Variants in TRIM66 observed in about 807,000 individuals in gnomAD.
The protein encoded by TRIM66 is tripartite motif-containing protein 66.
TRIM66 carries 99 observed loss-of-function variants against 148.2 expected under a neutral mutation model. The observed-to-expected ratio is 0.67, with a 90% CI of 0.57 to 0.79. The LOEUF is 0.79. TRIM66 is among the 30% of genes least tolerant of loss of function. The pLI, the probability that TRIM66 is intolerant of heterozygous loss-of-function variation, is 0.00. For missense variants in TRIM66, 1,666 were observed against 1,697.9 expected (o/e 0.98, Z 0.33); for synonymous variants, 616 against 635.9 (o/e 0.97, Z 0.47).
rs1342651182 is a variant in TRIM66, at chr11:8,648,487, G to C, written c.654C>G (p.Leu218=). The change falls in exon 9 of 25, where the codon CTC becomes CTG. Residue 218 remains leucine (L), a synonymous_variant. Transcript: ENST00000646038. ...TATCACATGTCTCACAGAATAGCTT[G>C]AGTACTTCCTGTGTGTGTAGAGGAC... ...LYCPLHTQEV[L]KLFCETCDML... The C allele has an allele frequency of 1.3e-6, 2 of 1,551,760 alleles. No individual in the cohort carries two copies. The highest frequency in any genetic ancestry group is 2.7e-5 in the African/African-American group (2 of 73,192).
intron 6 of TRIM66, among the ~76,000 whole-genome samples, chr11:8,652,618 G>A (rs1450236063): frequency 2.6e-5 from 4 of 152,094 alleles, no homozygotes; most frequent in Admixed American, 6.6e-5. Context: ...TGGGCTTCTG[G>A]ACTATAAAAG....
chr11:8,677,466 A>G (rs1054806904), intron 3 of TRIM66, among the ~76,000 whole-genome samples: 2 of 152,214 alleles, frequency 1.3e-5, no homozygotes, highest in African/African-American at 4.8e-5. Flanking sequence ...TATTTGTTCA[A>G]TATAATTCAG....
intron 13 of TRIM66, among the ~76,000 whole-genome samples, chr11:8,642,051 T>C (rs1185417782): frequency 3.9e-5 from 6 of 152,156 alleles, no homozygotes; most frequent in Admixed American, 2.6e-4. Context: ...AATGCGAGAA[T>C]GGACTAATAC....
intron 15 of TRIM66, among the ~76,000 whole-genome samples, chr11:8,634,754 T>G (rs996365256): frequency 1.3e-5 from 2 of 152,220 alleles, no homozygotes; most frequent in African/African-American, 4.8e-5. Context: ...CCGCAACCTG[T>G]TTCCACCATC....
rs2036788212 is a variant in TRIM66, at chr11:8,645,730, A to AT, written c.1104+10dup. On this transcript the variant is annotated intron_variant, in intron 12 of 24. Transcript: ENST00000646038. ...CAAGGACAGGCTGAGGAGTTGGGAGATTCCTCTTACCAGCTCTTTGCTGAA... is the reference window on the plus strand; with the variant it reads ...CAAGGACAGGCTGAGGAGTTGGGAGATTTCCTCTTACCAGCTCTTTGCTGAA... 2.6e-6 allele frequency: 4 copies of AT among 1,551,500 alleles called. No homozygotes were observed. Among genetic ancestry groups the AT allele is most frequent in the Admixed American group, 2.0e-5 (1 of 50,986 alleles).
chr11:8,627,209 C>T (rs1185629577), intron 15 of TRIM66, among the ~76,000 whole-genome samples: 2 of 152,108 alleles, frequency 1.3e-5, no homozygotes, highest in Admixed American at 6.5e-5. Context: ...ATTCCTAGAC[C>T]CAAGAGCAGT....
chr11:8,677,867 C>T (rs764214318), intron 3 of TRIM66, among the ~76,000 whole-genome samples: 13 of 152,136 alleles, frequency 8.5e-5, no homozygotes, highest in Non-Finnish European at 1.8e-4. Context: ...AACACTCTAT[C>T]CAACACAGGA....
chr11:8,646,833 T>C (rs1250546906), intron 10 of TRIM66, among the ~76,000 whole-genome samples: 1 of 151,802 alleles, frequency 6.6e-6, no homozygotes. Flanking sequence ...GCACTAGAGG[T>C]AGGACCAAAA....
intron 6 of TRIM66, chr11:8,658,788 G>A (rs2133360525): frequency 1.0e-6 from 1 of 985,278 alleles, no homozygotes; most frequent in Non-Finnish European, 1.2e-6. Context: ...CATGCCCCCG[G>A]CACTGAAGGA....
At chr11:8,619,624 G>C in intron 22 of TRIM66, 89 bp from the exon 23 acceptor site, 1 of 1,259,728 alleles carries the variant, frequency 7.9e-7, no homozygotes, top group Non-Finnish European at 1.1e-6. Context: ...AATGGAAAAT[G>C]AGGTGAAATA....
intron 15 of TRIM66, among the ~76,000 whole-genome samples, chr11:8,638,355 A>G (rs1171591140): frequency 6.6e-6 from 1 of 152,178 alleles, no homozygotes; most frequent in African/African-American, 2.4e-5. Flanking sequence ...GTGAAGCAGC[A>G]CACACGGTTC....
At chr11:8,638,591 GTGCC>G in intron 15 of TRIM66, 59 bp downstream of exon 15, 1 of 1,516,306 alleles carries the variant, frequency 6.6e-7, no homozygotes, top group Non-Finnish European at 8.9e-7. Flanking sequence ...CCTCCTCCAA[GTGCC>G]TGGGGTCTTG....
chr11:8,661,367 A>C (rs1031153906), intron 6 of TRIM66, among the ~76,000 whole-genome samples: 4 of 152,238 alleles, frequency 2.6e-5, no homozygotes, highest in Non-Finnish European at 4.4e-5. Flanking sequence ...CCCACAGTAT[A>C]ATGCAAAAAG....
At chr11:8,675,723 A>T (rs1431454405) in intron 3 of TRIM66, among the ~76,000 whole-genome samples, 1 of 151,002 alleles carries the variant, frequency 6.6e-6, no homozygotes, top group East Asian at 2.0e-4. Flanking sequence ...TTCACTTTTT[A>T]TTTTTTTAAT....
chr11:8,645,976 T>C, intron 11 of TRIM66, 89 bp from the exon 12 acceptor site: 1 of 1,319,902 alleles, frequency 7.6e-7, no homozygotes, highest in Non-Finnish European at 1.0e-6. Flanking sequence ...TGTGTGTCAC[T>C]GATGGAATCA....
chr11:8,623,038 G>A (rs1334926396), intron 17 of TRIM66, among the ~76,000 whole-genome samples, 162 bp from the exon 18 acceptor site: 1 of 152,172 alleles, frequency 6.6e-6, no homozygotes, highest in Admixed American at 6.5e-5. Flanking sequence ...TGACAAGTCT[G>A]CCGTGGATCT....
intron 24 of TRIM66, 31 bp from the exon 25 acceptor site, chr11:8,618,034 A>G: frequency 6.5e-7 from 1 of 1,541,308 alleles, no homozygotes; most frequent in East Asian, 2.4e-5. Flanking sequence ...TGGAATTAAA[A>G]TAGCCAAATG....
chr11:8,625,278 A>T, intron 15 of TRIM66, 50 bp from the exon 16 acceptor site: 1 of 1,451,452 alleles, frequency 6.9e-7, no homozygotes, highest in East Asian at 2.5e-5. Flanking sequence ...CTGGGAATGG[A>T]GGGAGGGAGA....
chr11:8,620,992 C>A, intron 20 of TRIM66, 40 bp downstream of exon 20: 4 of 1,530,846 alleles, frequency 2.6e-6, no homozygotes, highest in Non-Finnish European at 3.5e-6. Context: ...GGAAGGTAAC[C>A]CTACTAGCCA....
Sources: allele counts gnomAD v4.1 joint callset (sites outside exome capture counted in the v4.1 genomes callset), GRCh38; gene constraint gnomAD v4.1.1; transcripts MANE v1.5; gene names NCBI Gene and HGNC (gene_info 2026-07-23, HGNC 2026-07-21).